The following SCAF11 variants were observed in gnomAD, a reference collection of about 807,000 sequenced individuals.
The protein encoded by SCAF11 is SR-related CTD associated factor 11.
In SCAF11, 47 loss-of-function variants were observed where a neutral mutation model predicts 140.5. The observed-to-expected ratio is 0.33, with a 90% confidence interval of 0.26 to 0.43. SCAF11 has a LOEUF of 0.43. Among genes scored for constraint, SCAF11 ranks in the 20% least tolerant of loss-of-function variants. SCAF11 has a pLI of 1.00. For synonymous variants in SCAF11, 557 were observed against 579.4 expected, an observed-to-expected ratio of 0.96 and a Z score of 0.55; for missense variants, 1,645 against 1,705.1, an observed-to-expected ratio of 0.96 and a Z score of 0.62.
intron 3 of SCAF11, chr12:45,960,514 A>T (rs1169653683): frequency 6.6e-6 from 1 of 152,150 alleles, no homozygotes; most frequent in African/African-American, 2.4e-5. Flanking sequence ...TTATTTCATT[A>T]AACAGTGATC....
In SCAF11 at chr12:45,934,224, G is replaced by A; in HGVS notation, c.584C>T (p.Ser195Phe). ...CFRNFFSNMF[S>F]SVSHSGESSF... Reference sequence around the variant, plus strand: ...AGATTCTCCAGAGTGGCTAACAGAAGAAAACATATTGGAGAAAAAATTTCT... The same window carrying A: ...AGATTCTCCAGAGTGGCTAACAGAAAAAAACATATTGGAGAAAAAATTTCT... Residue 195 changes from serine (S) to phenylalanine (F), a missense_variant, in exon 8 of 15, where the codon TCT becomes TTT. Ser to Phe is a radical substitution (Grantham distance 155). Around this residue, in one of 2 missense-constraint regions of SCAF11, gnomAD observed 1,582 missense variants for 1,609.2 expected, o/e 0.98. Transcript: ENST00000369367. The A allele has an allele frequency of 6.2e-7, 1 of 1,611,522 alleles. No homozygotes were observed. Among genetic ancestry groups the A allele is most frequent in the Middle Eastern group, 1.7e-4 (1 of 6,052 alleles).
chr12:45,990,203 C>T, intron 1 of SCAF11, 150 bp downstream of exon 1: 1 of 1,117,952 alleles, frequency 8.9e-7, no homozygotes, highest in Admixed American at 4.3e-5. Context: ...TCCCAGCGCA[C>T]GACGTCGCAC....
rs1310570028 is a variant in SCAF11 at position 45,922,977 on chromosome 12, C to A, written c.4084G>T (p.Val1362Phe). The change falls in exon 13 of 15, where the codon GTT becomes TTT. Residue 1362 changes from valine (V) to phenylalanine (F), a missense_variant. Physicochemically the swap from Val to Phe is conservative, Grantham distance 50. Transcript: ENST00000369367. Reference sequence around the variant, plus strand: ...CTATCTGCGCTGGCTTCCACTGCAACACTTACTTTGCTTTCTGCCAATTTT... The same window carrying A: ...CTATCTGCGCTGGCTTCCACTGCAAAACTTACTTTGCTTTCTGCCAATTTT... Reference protein sequence around the residue: ...AVKLAESKVSVAVEASADSSK... With the variant: ...AVKLAESKVSFAVEASADSSK... 6.2e-7 allele frequency: 1 copy of A among 1,614,196 alleles called. No individual in the cohort carries two copies.
At chr12:45,951,581 C>T in intron 4 of SCAF11, 69 bp downstream of exon 4, 1 of 1,015,534 alleles carries the variant, frequency 9.8e-7, no homozygotes. Context: ...TATACACAAA[C>T]TGGAAATCAA....
At chr12:45,991,227 C>A (rs1946603155), upstream of SCAF11, among the ~76,000 whole-genome samples, 1 of 152,112 alleles carries the variant, frequency 6.6e-6, no homozygotes, top group African/African-American at 2.4e-5. Flanking sequence ...CGCCTGACTC[C>A]CCGAGCCTAG....
chr12:45,984,311 T>C (rs1946414486), intron 1 of SCAF11, among the ~76,000 whole-genome samples: 1 of 152,230 alleles, frequency 6.6e-6, no homozygotes, highest in African/African-American at 2.4e-5. Context: ...CCTTTTATTT[T>C]TTTTCAGATG....
Position 45,931,524 on chromosome 12 carries a change from TG to T in SCAF11, c.822del (p.Ile275TyrfsTer15). On this transcript the variant is annotated frameshift_variant, in exon 10 of 15. Transcript: ENST00000369367. LOFTEE classifies it high-confidence loss of function. ...ACTTTACCAAAATGTTCGAAAGATATGGTACTTGTTGGAAAAATAGTTCTTG... is the reference window on the plus strand; with the variant it reads ...ACTTTACCAAAATGTTCGAAAGATATGTACTTGTTGGAAAAATAGTTCTTG... Reference protein sequence around the residue: ...VLPRTIFPTSTISFEHFGTSC... With the variant: ...VLPRTIFPTSXISFEHFGTSC... 6.8e-7 allele frequency: 1 copy of T among 1,466,464 alleles called. No individual in the cohort carries two copies. The highest frequency in any genetic ancestry group is 2.6e-5 in the Admixed American group (1 of 38,822). 90.8% of individuals were successfully genotyped at this position (1,466,464 alleles called of 1,614,324 possible).
intron 6 of SCAF11, among the ~76,000 whole-genome samples, chr12:45,941,146 T>G (rs545853367): frequency 6.6e-6 from 1 of 152,184 alleles, no homozygotes; most frequent in South Asian, 2.1e-4. Context: ...CAACACAAAC[T>G]GTTCACCATT....
intron 11 of SCAF11, among the ~76,000 whole-genome samples, chr12:45,925,471 C>A (rs966707112): frequency 3.3e-5 from 5 of 152,130 alleles, no homozygotes; most frequent in African/African-American, 1.2e-4. Context: ...ATTGCTTGAA[C>A]CCAGGAGGTG....
intron 1 of SCAF11, among the ~76,000 whole-genome samples, chr12:45,976,145 GA>G (rs1466306209): frequency 6.6e-6 from 1 of 152,150 alleles, no homozygotes; most frequent in Non-Finnish European, 1.5e-5. Context: ...CATAAAGGGG[GA>G]AAGGTAAAGG....
At chr12:45,992,038 A>G (rs768437570), upstream of SCAF11, 2 of 1,288,864 alleles carry the variant, frequency 1.6e-6, no homozygotes, top group East Asian at 1.1e-4. Context: ...CGACCGCTTC[A>G]CTGCCGCCTT....
At chr12:45,962,598 CATAAAA>C (rs945405629) in intron 2 of SCAF11, among the ~76,000 whole-genome samples, 1 of 152,056 alleles carries the variant, frequency 6.6e-6, no homozygotes, top group African/African-American at 2.4e-5. Flanking sequence ...TGAAATTCAA[CATAAAA>C]ATAAAACAGA....
Position 45,934,217 on chromosome 12 carries a change from A to T in SCAF11, c.591T>A (p.Val197=). Residue 197 remains valine, a synonymous_variant, in exon 8 of 15, where the codon GTT becomes GTA. Transcript: ENST00000369367. ...TAAAGGAAGATTCTCCAGAGTGGCT[A>T]ACAGAAGAAAACATATTGGAGAAAA... The part of the protein sequence containing the change: ...RNFFSNMFSS[V]SHSGESSFTY... 6.2e-7 allele frequency: 1 copy of T among 1,610,340 alleles called. No individual in the cohort carries two copies. Among genetic ancestry groups the T allele is most frequent in the South Asian group, 1.1e-5 (1 of 90,640 alleles).
In SCAF11 at chr12:45,933,179, T is replaced by C; in HGVS notation, c.686A>G (p.His229Arg). The C allele has an allele frequency of 1.2e-6, 2 of 1,612,044 alleles. No homozygotes were observed. Among genetic ancestry groups the C allele is most frequent in the Non-Finnish European group, 1.7e-6 (2 of 1,179,202 alleles). Residue 229 changes from histidine (H) to arginine (R), a missense_variant, in exon 9 of 15, where the codon CAT becomes CGT. Physicochemically the swap from His to Arg is conservative, Grantham distance 29. Transcript: ENST00000369367. ...EISALIRQKR[H>R]ELELSWFPDT... is the part of the protein sequence containing the mutation. Reference sequence around the variant, plus strand: ...AGGAAACCATGACAATTCCAGTTCATGTCTCTTCTGCCTAATCAATGCACT... The same window carrying C: ...AGGAAACCATGACAATTCCAGTTCACGTCTCTTCTGCCTAATCAATGCACT...
chr12:45,931,861 A>C (rs1301918377), intron 9 of SCAF11, among the ~76,000 whole-genome samples: 1 of 152,160 alleles, frequency 6.6e-6, no homozygotes, highest in Non-Finnish European at 1.5e-5. Context: ...GAAAAGATGA[A>C]AGCAACTTAA....
Position 45,948,462 on chromosome 12 carries a change from G to T in SCAF11, c.373C>A (p.His125Asn). Residue 125 changes from histidine to asparagine, a missense_variant, in exon 5 of 15, where the codon CAT becomes AAT. Physicochemically the swap from His to Asn is moderately conservative, Grantham distance 68 (BLOSUM62 1). Around this residue, in one of 2 missense-constraint regions of SCAF11, gnomAD observed 1,582 missense variants for 1,609.2 expected, o/e 0.98. Transcript: ENST00000369367. ...CTTATACAGCTTTTAGAATTTTCAT[G>T]ACAGGAGACCTGTTTCTCAAATGAG... is the stretch of plus-strand genomic sequence containing the variant. The part of the protein sequence containing the change: ...ENSFEKQVSC[H>N]ENSKSCIRRK... 2 of 1,610,166 alleles carry T rather than the reference G, an allele frequency of 1.2e-6. No individual in the cohort carries two copies. The highest frequency in any genetic ancestry group is 2.2e-5 in the South Asian group (2 of 90,534).
At chr12:45,959,487 G>A (rs955552460) in intron 3 of SCAF11, among the ~76,000 whole-genome samples, 2 of 152,160 alleles carry the variant, frequency 1.3e-5, no homozygotes, top group Admixed American at 1.3e-4. Flanking sequence ...CCTGTTAGAA[G>A]GCTGAAGACA....
chr12:45,933,070 C>A, intron 9 of SCAF11, 61 bp downstream of exon 9: 2 of 1,074,516 alleles, frequency 1.9e-6, no homozygotes, highest in Non-Finnish European at 2.8e-6. Context: ...TACTTAAGTA[C>A]TAATGCTATC....
At position 45,928,380 on chromosome 12, in the gene SCAF11, T is replaced by C. The variant is rs768614068; in HGVS notation, c.1321A>G (p.Asn441Asp). Residue 441 changes from asparagine to aspartate, a missense_variant, in exon 11 of 15, where the codon AAC becomes GAC. Asn to Asp is a conservative substitution (Grantham distance 23). Around this residue, in one of 2 missense-constraint regions of SCAF11, gnomAD observed 1,582 missense variants for 1,609.2 expected, o/e 0.98. Transcript: ENST00000369367. ...CTTTTCAAGCAATTAGCAGACTGGT[T>C]TTCTACATGAGTCTGCACAGTACAA... The part of the protein sequence containing the change: ...NICTVQTHVE[N>D]QSANCLKSCN... 6.2e-7 allele frequency: 1 copy of C among 1,614,154 alleles called. No individual in the cohort carries two copies. The highest frequency in any genetic ancestry group is 1.1e-5 in the South Asian group (1 of 91,074).
Sources: gnomAD v4.1 joint callset for allele counts (sites outside exome capture counted in the v4.1 genomes callset) on GRCh38, gnomAD v4.1.1 for gene constraint, gnomAD v4.1.1 regional missense constraint, MANE v1.5 for transcripts, NCBI Gene and HGNC (gene_info 2026-07-23, HGNC 2026-07-21) for gene names.